The following GRTP1 variants were observed in gnomAD, a reference collection of about 807,000 sequenced individuals.
GRTP1 encodes the protein growth hormone regulated TBC protein 1, also known as growth hormone-regulated TBC protein 1.
Under a neutral mutation model 38.1 loss-of-function variants are expected in GRTP1, and 56 were observed. The observed-to-expected ratio is 1.47, with a 90% confidence interval of 1.19 to 1.84. GRTP1 has a LOEUF of 1.84. GRTP1 is among the 40% of genes most tolerant of loss of function. The probability of loss-of-function intolerance (pLI) is 0.00; values close to 1 mark genes in which losing one functional copy is unlikely to be tolerated. For missense variants in GRTP1, 506 were observed against 453.9 expected (o/e 1.11, Z -1.04); for synonymous variants, 217 against 189.5 (o/e 1.14, Z -1.19).
At position 113,334,282 on chromosome 13, in the gene GRTP1, A is replaced by ACCCTGCACTGCCACGACT. The variant is rs55801264; in HGVS notation, c.563-8192_563-8191insAGTCGTGGCAGTGCAGGG. Among the ~76,000 whole-genome samples, 30 of 145,038 alleles carry ACCCTGCACTGCCACGACT rather than the reference A, an allele frequency of 2.1e-4. 1 individual carries two copies. Among genetic ancestry groups the ACCCTGCACTGCCACGACT allele is most frequent in the African/African-American group, 6.8e-4 (27 of 39,826 alleles). On this transcript the variant is annotated intron_variant, in intron 5 of 7. Transcript: ENST00000375431. The stretch of plus-strand genomic sequence containing the variant: ...CGTCCCCACCCTGCACTGCCACGAC[A>ACCCTGCACTGCCACGACT]GCCTCCCGCCCACCCTGCACTGCTA...
At chr13:113,328,320 G>A (rs537949108) in intron 5 of GRTP1, among the ~76,000 whole-genome samples, 22 of 152,302 alleles carry the variant, frequency 1.4e-4, no homozygotes, top group African/African-American at 1.9e-4. Context: ...CAGGGTCTGC[G>A]GTCAGACGTG....
intron 5 of GRTP1, among the ~76,000 whole-genome samples, chr13:113,328,898 T>C (rs542899623): frequency 4.6e-5 from 7 of 152,082 alleles, no homozygotes; most frequent in Middle Eastern, 7.1e-3. Context: ...GGACTAAATT[T>C]TCCTGATTCC....
At chr13:113,325,230 A>G in intron 7 of GRTP1, 1 of 1,165,732 alleles carries the variant, frequency 8.6e-7, no homozygotes, top group Non-Finnish European at 1.1e-6. Context: ...CCTCTTAGGA[A>G]ACTACTGACT....
chr13:113,361,106 A>T (rs75590443), intron 2 of GRTP1, among the ~76,000 whole-genome samples: 45,623 of 97,350 alleles, frequency 0.47, 8,052 homozygotes, highest in East Asian at 0.68. Context: ...CTAGACTTTG[A>T]CTCAAAAAAA....
rs1255079214 is a variant in GRTP1 at position 113,348,062 on chromosome 13, G to A, written c.465+2787C>T. On this transcript the variant is annotated intron_variant, in intron 4 of 7. Coordinates refer to ENST00000375431, the MANE Select transcript of GRTP1 (RefSeq NM_024719.4). The surrounding 1 kb of genome is among the most constrained non-coding windows in gnomAD (Gnocchi z 4.8). Reference sequence around the variant, plus strand: ...TGGACCCGGGAGGATCTCCGTGGCTGAGAATGGACCCCTTTGAGTGGACAG... The same window carrying A: ...TGGACCCGGGAGGATCTCCGTGGCTAAGAATGGACCCCTTTGAGTGGACAG... Among the ~76,000 whole-genome samples, 2 of 152,188 alleles carry A rather than the reference G, an allele frequency of 1.3e-5. No homozygotes were observed. The highest frequency in any genetic ancestry group is 4.8e-5 in the African/African-American group (2 of 41,446).
In GRTP1 at chr13:113,333,491, TTTA is replaced by T. The variant is rs1327620901; in HGVS notation, c.563-7403_563-7401del. Among the ~76,000 whole-genome samples the T allele has an allele frequency of 2.6e-5, 4 of 152,094 alleles. No individual in the cohort carries two copies. The South Asian group carries it at 6.2e-4, about 24-fold the overall frequency. ...AAGATTTCTCTTCAGTGCCTGTGCT[TTTA>T]TTGTTTTATTTTATTTATTTATTTT... is the stretch of plus-strand genomic sequence containing the variant. On this transcript the variant is annotated intron_variant, in intron 5 of 7. Transcript: ENST00000375431.
intron 5 of GRTP1, among the ~76,000 whole-genome samples, chr13:113,331,100 G>A (rs568632774): frequency 2.0e-5 from 3 of 152,200 alleles, no homozygotes; most frequent in East Asian, 3.9e-4. Flanking sequence ...CCAGGTGTGT[G>A]CATGGGAGCC....
At chr13:113,324,654 G>GCAGA in intron 7 of GRTP1, 77 bp from the exon 8 acceptor site, 1 of 1,514,300 alleles carries the variant, frequency 6.6e-7, no homozygotes, top group Non-Finnish European at 8.9e-7. Context: ...TGGCAGGCAG[G>GCAGA]CAGACAGGCC....
intron 5 of GRTP1, among the ~76,000 whole-genome samples, chr13:113,330,886 G>A: frequency 1.1e-4 from 1 of 9,264 alleles, no homozygotes; most frequent in Non-Finnish European, 2.2e-4. Flanking sequence ...TGTGTGCATG[G>A]AAACCCGGGT....
At chr13:113,326,746 C>T (rs2042780620) in intron 5 of GRTP1, among the ~76,000 whole-genome samples, 1 of 152,184 alleles carries the variant, frequency 6.6e-6, no homozygotes, top group Non-Finnish European at 1.5e-5. Context: ...GTGTTCCTAG[C>T]AGAACTATTT....
chr13:113,324,929 T>C (rs2042737295), intron 7 of GRTP1: 5 of 589,844 alleles, frequency 8.5e-6, no homozygotes, highest in Admixed American at 5.7e-5. Flanking sequence ...CAGGTTCAAG[T>C]GATTCTCGTG....
intron 2 of GRTP1, 59 bp downstream of exon 2, chr13:113,363,703 G>A: frequency 1.4e-6 from 2 of 1,402,846 alleles, no homozygotes; most frequent in South Asian, 1.2e-5. Flanking sequence ...ACTTTGCCCG[G>A]CCCGTCCCAG....
chr13:113,353,609 G>A (rs1314767134), intron 3 of GRTP1, among the ~76,000 whole-genome samples: 4 of 151,912 alleles, frequency 2.6e-5, no homozygotes, highest in African/African-American at 4.8e-5. Context: ...AGGACACGGG[G>A]GTCGGTGCTT....
At position 113,348,328 on chromosome 13, in the gene GRTP1, G is replaced by A. The variant is rs758794610; in HGVS notation, c.465+2521C>T. 6.6e-6 allele frequency among the ~76,000 whole-genome samples: 1 copy of A among 152,154 alleles called. No individual in the cohort carries two copies. The highest frequency in any genetic ancestry group is 1.5e-5 in the Non-Finnish European group (1 of 68,032). ...ATTACTCGAGCGTGGTGGCGCACCT[G>A]TGGTCCCAGCTACTCAGGAGGCCAA... On this transcript the variant is annotated intron_variant, in intron 4 of 7. Coordinates refer to ENST00000375431, the MANE Select transcript of GRTP1 (RefSeq NM_024719.4). This position sits in a 1 kb window ranked among gnomAD's most constrained non-coding sequence, Gnocchi z 4.8.
intron 4 of GRTP1, 129 bp from the exon 5 acceptor site, chr13:113,345,088 G>T: frequency 9.8e-7 from 1 of 1,015,296 alleles, no homozygotes; most frequent in Non-Finnish European, 1.4e-6. Context: ...CATAATTGCA[G>T]AATGATCCTT....
chr13:113,353,808 T>C (rs915985219), intron 3 of GRTP1, among the ~76,000 whole-genome samples: 1 of 152,160 alleles, frequency 6.6e-6, no homozygotes, highest in African/African-American at 2.4e-5. Context: ...GGTGGCTCAC[T>C]CCTGTAACCC....
chr13:113,337,541 G>A (rs2042970272), intron 5 of GRTP1, among the ~76,000 whole-genome samples: 1 of 152,196 alleles, frequency 6.6e-6, no homozygotes, highest in South Asian at 2.1e-4. Flanking sequence ...AGCTTATGGC[G>A]AAACCTGGTA....
At chr13:113,325,011 G>A (rs1336875215) in intron 7 of GRTP1, 2 of 678,912 alleles carry the variant, frequency 2.9e-6, no homozygotes, top group Non-Finnish European at 1.8e-6. Context: ...GTATTTTTTA[G>A]TAGAGACGGG....
chr13:113,363,725 T>C, intron 2 of GRTP1, 37 bp downstream of exon 2: 1 of 1,468,658 alleles, frequency 6.8e-7, no homozygotes, highest in Non-Finnish European at 9.2e-7. Flanking sequence ...CCAACCCACC[T>C]GCGCCCTCGG....
Sources: gnomAD v4.1 joint callset for allele counts (sites outside exome capture counted in the v4.1 genomes callset) on GRCh38, gnomAD v4.1.1 for gene constraint, Gnocchi (gnomAD v3.1) non-coding constraint, MANE v1.5 for transcripts, NCBI Gene and HGNC (gene_info 2026-07-23, HGNC 2026-07-21) for gene names.